Variants in SGCD observed in about 807,000 individuals in gnomAD.
SGCD encodes delta-sarcoglycan.
Under a neutral mutation model 36.6 loss-of-function variants are expected in SGCD, and 18 were observed. The ratio of observed to expected loss-of-function variants is 0.49; its 90% confidence interval spans 0.34 to 0.73. SGCD has a LOEUF of 0.73. Among genes scored for constraint, SGCD ranks in the 30% least tolerant of loss-of-function variants. SGCD has a pLI of 0.01. For synonymous variants in SGCD, 133 were observed against 130.6 expected, an observed-to-expected ratio of 1.02 and a Z score of -0.12; for missense variants, 387 against 346.7, an observed-to-expected ratio of 1.12 and a Z score of -0.92.
intron 3 of SGCD, among the ~76,000 whole-genome samples, chr5:156,215,213 A>G (rs748085534): frequency 6.6e-6 from 1 of 152,110 alleles, no homozygotes; most frequent in Non-Finnish European, 1.5e-5. Context: ...AGCATTTCAG[A>G]TAAGGGATAT....
intron 7 of SGCD, among the ~76,000 whole-genome samples, chr5:156,732,773 G>A (rs923064963): frequency 2.6e-5 from 4 of 152,156 alleles, no homozygotes; most frequent in African/African-American, 4.8e-5. Context: ...TTCAGAACTC[G>A]TTATTGGTCT....
chr5:156,120,030 C>T lies in SGCD; in HGVS notation c.-208+2079C>T, dbSNP rs192148456. On this transcript the variant is annotated intron_variant, in intron 2 of 9. Coordinates refer to the SGCD transcript ENST00000517913. ...TCTTTCTTGACATTATTTTCTTTCA[C>T]ATTATTCCTAGTATATACTTTCTCA... Among the ~76,000 whole-genome samples, 30 of 152,278 alleles carry T rather than the reference C, an allele frequency of 2.0e-4. 2 individuals carry two copies. The highest frequency in any genetic ancestry group is 3.4e-3 in the Middle Eastern group (1 of 294).
At chr5:156,532,560 A>G (rs1757930579) in intron 4 of SGCD, among the ~76,000 whole-genome samples, 1 of 152,156 alleles carries the variant, frequency 6.6e-6, no homozygotes, top group African/African-American at 2.4e-5. Flanking sequence ...TCCTAGGTTC[A>G]TGCCATTCTC....
chr5:155,999,369 C>T (rs1442904079), intron 1 of SGCD, among the ~76,000 whole-genome samples: 1 of 152,144 alleles, frequency 6.6e-6, no homozygotes, highest in African/African-American at 2.4e-5. Context: ...CTTGGTATGC[C>T]CTGCCCCTCA....
At chr5:155,978,072 G>A (rs2127561476) in intron 1 of SGCD, among the ~76,000 whole-genome samples, 1 of 151,690 alleles carries the variant, frequency 6.6e-6, no homozygotes, top group Non-Finnish European at 1.5e-5. Context: ...CCAGCCTGGA[G>A]ACAGAGCAAG....
chr5:156,623,300 A>C (rs1399722392), intron 6 of SGCD, among the ~76,000 whole-genome samples: 2 of 152,154 alleles, frequency 1.3e-5, no homozygotes, highest in African/African-American at 4.8e-5. Flanking sequence ...AGCAAGATCT[A>C]ATTTGTGTTT....
At chr5:156,360,872 A>G (rs1769752016) in intron 3 of SGCD, among the ~76,000 whole-genome samples, 1 of 152,024 alleles carries the variant, frequency 6.6e-6, no homozygotes, top group Non-Finnish European at 1.5e-5. Context: ...TTCTACTTGG[A>G]TGCCAGACAA....
Position 156,508,702 on chromosome 5 carries a change from A to G in SGCD, c.294A>G (p.Pro98=), listed in dbSNP as rs1175163596. 1 of 1,553,088 alleles carries G rather than the reference A, an allele frequency of 6.4e-7. No individual in the cohort carries two copies. Among genetic ancestry groups the G allele is most frequent in the East Asian group, 2.2e-5 (1 of 44,498 alleles). ...PLYAKEIQSR[P]GNALYFKSAR... Reference sequence around the variant, plus strand: ...ACGCCAAAGAAATCCAGTCCCGACCAGTAAGTTTCTGCTGAGAGAAGGAGG... The same window carrying G: ...ACGCCAAAGAAATCCAGTCCCGACCGGTAAGTTTCTGCTGAGAGAAGGAGG... The change falls in exon 4 of 9, where the codon CCA becomes CCG. Residue 98 remains proline, a splice_region_variant and synonymous_variant. Coordinates refer to ENST00000337851, the MANE Select transcript of SGCD (RefSeq NM_000337.6).
At chr5:155,871,052 G>C (rs1417563064) in intron 1 of SGCD, among the ~76,000 whole-genome samples, 1 of 151,170 alleles carries the variant, frequency 6.6e-6, no homozygotes, top group Non-Finnish European at 1.5e-5. Context: ...GTTTTTTTTT[G>C]CAACTTTTCT....
intron 3 of SGCD, among the ~76,000 whole-genome samples, chr5:156,312,673 A>G (rs1254927563): frequency 1.3e-5 from 2 of 152,152 alleles, no homozygotes; most frequent in African/African-American, 4.8e-5. Context: ...GCAGCTATGT[A>G]ACCTCTCTGT....
chr5:156,354,392 G>C (rs1176366190), intron 3 of SGCD, among the ~76,000 whole-genome samples: 2 of 152,060 alleles, frequency 1.3e-5, no homozygotes, highest in Non-Finnish European at 2.9e-5. Context: ...GATGGGGAAA[G>C]ATGAGAATAG....
chr5:156,396,188 G>C (rs1333845481), intron 3 of SGCD, among the ~76,000 whole-genome samples: 2 of 152,322 alleles, frequency 1.3e-5, no homozygotes, highest in African/African-American at 4.8e-5. Context: ...CACAGAGAGA[G>C]ATTCGGCGTG....
rs578257117 is a variant in SGCD, at chr5:156,575,439, G to A, written c.295-13792G>A. Among the ~76,000 whole-genome samples, 6 of 152,250 alleles carry A rather than the reference G, an allele frequency of 3.9e-5. No individual in the cohort carries two copies. In the East Asian group the frequency reaches 7.7e-4, roughly 20 times the overall value. On this transcript the variant is annotated intron_variant, in intron 4 of 8. Transcript: ENST00000337851. ...CACATTCCACTGTAGTAGAACAAGC[G>A]GAAAGTGCTCAACTCTAGAGTGCTA...
chr5:156,103,550 G>T (rs1326912155), intron 1 of SGCD, among the ~76,000 whole-genome samples: 10 of 152,030 alleles, frequency 6.6e-5, no homozygotes, highest in Non-Finnish European at 1.5e-4. Flanking sequence ...AAAATGGCCT[G>T]TGTCTTCCCA....
At chr5:155,826,600 G>A in the SGCD span, among the ~76,000 whole-genome samples, 146 of 152,230 alleles carry the variant, frequency 9.6e-4, no homozygotes, top group African/African-American at 3.3e-3. Context: ...CCTTCTTGTC[G>A]TAAAAGTCTC....
the SGCD span, among the ~76,000 whole-genome samples, chr5:155,750,624 A>ACAGCATCTTAAAATGGCAG: frequency 6.6e-6 from 1 of 152,210 alleles, no homozygotes; most frequent in Non-Finnish European, 1.5e-5. Flanking sequence ...AAGAATGAGA[A>ACAGCATCTTAAAATGGCAG]TTTCTAAAAC....
intron 2 of SGCD, among the ~76,000 whole-genome samples, chr5:156,333,015 A>T (rs1361785177): frequency 6.6e-6 from 1 of 152,224 alleles, no homozygotes; most frequent in African/African-American, 2.4e-5. Context: ...GCTTAGAAAA[A>T]TGCATGCTGT....
chr5:156,423,694 G>T (rs1301814419), intron 3 of SGCD, among the ~76,000 whole-genome samples: 1 of 151,572 alleles, frequency 6.6e-6, no homozygotes, highest in Non-Finnish European at 1.5e-5. Context: ...GATCACACAG[G>T]CCCAGGCTAA....
intron 1 of SGCD, among the ~76,000 whole-genome samples, chr5:155,903,497 A>C (rs1335816986): frequency 6.6e-6 from 1 of 152,082 alleles, no homozygotes; most frequent in African/African-American, 2.4e-5. Flanking sequence ...GCCCATGCCC[A>C]CCCATTATTC....
Sources: allele counts gnomAD v4.1 joint callset (sites outside exome capture counted in the v4.1 genomes callset), GRCh38; gene constraint gnomAD v4.1.1; transcripts MANE v1.5; gene names NCBI Gene and HGNC (gene_info 2026-07-23, HGNC 2026-07-21).